The following SPMIP11 variants were observed in gnomAD, a reference collection of about 807,000 sequenced individuals.
The protein encoded by SPMIP11 is sperm microtubule inner protein 11, also known as long intergenic non-protein coding RNA 935.
At chr12:48,741,679 T>C in the SPMIP11 span, among the ~76,000 whole-genome samples, 1 of 151,882 alleles carries the variant, frequency 6.6e-6, no homozygotes, top group Non-Finnish European at 1.5e-5. Flanking sequence ...GGTGTCACTC[T>C]GTTGCTCAGG....
At chr12:48,768,743 T>A in the SPMIP11 span, 1 of 1,611,000 alleles carries the variant, frequency 6.2e-7, no homozygotes, top group Non-Finnish European at 8.5e-7. Context: ...GGAGCCCGCT[T>A]AGCCTGGAAT....
At chr12:48,728,584 T>G in the SPMIP11 span, among the ~76,000 whole-genome samples, 2 of 151,772 alleles carry the variant, frequency 1.3e-5, no homozygotes, top group African/African-American at 4.8e-5. Context: ...GGCGGGCGCC[T>G]GTAGTCCCAG....
chr12:48,760,619 C>G, the SPMIP11 span, among the ~76,000 whole-genome samples: 1 of 152,082 alleles, frequency 6.6e-6, no homozygotes, highest in African/African-American at 2.4e-5. Context: ...CTCCGCCTCC[C>G]TTGTTCAAGT....
chr12:48,748,498 A>G, the SPMIP11 span, among the ~76,000 whole-genome samples: 1 of 137,946 alleles, frequency 7.2e-6, no homozygotes. Context: ...CACGGTCTAG[A>G]AAAAAAAAAA....
the SPMIP11 span, among the ~76,000 whole-genome samples, chr12:48,757,932 T>C: frequency 6.6e-6 from 1 of 151,972 alleles, no homozygotes; most frequent in Non-Finnish European, 1.5e-5. Flanking sequence ...AGATAGATGT[T>C]GCAGTGAGCC....
the SPMIP11 span, chr12:48,764,854 C>T: frequency 6.0e-5 from 42 of 702,740 alleles, 1 homozygote; most frequent in South Asian, 6.1e-4. Flanking sequence ...CATTCAGTTC[C>T]CAATCAGGTC....
At chr12:48,748,004 T>C in the SPMIP11 span, among the ~76,000 whole-genome samples, 1 of 152,168 alleles carries the variant, frequency 6.6e-6, no homozygotes, top group African/African-American at 2.4e-5. Flanking sequence ...CTGACAATCC[T>C]ATCATATTCC....
At chr12:48,749,970 C>T in the SPMIP11 span, among the ~76,000 whole-genome samples, 10 of 151,674 alleles carry the variant, frequency 6.6e-5, no homozygotes, top group African/African-American at 2.2e-4. Context: ...GGATTACAGG[C>T]GTGAGCCACC....
the SPMIP11 span, among the ~76,000 whole-genome samples, chr12:48,764,232 GC>G: frequency 6.6e-6 from 1 of 150,704 alleles, no homozygotes; most frequent in African/African-American, 2.4e-5. Flanking sequence ...CAGGTGATCT[GC>G]CTGCCTCGGC....
the SPMIP11 span, among the ~76,000 whole-genome samples, chr12:48,737,517 C>T: frequency 4.0e-5 from 6 of 150,644 alleles, no homozygotes; most frequent in Non-Finnish European, 7.4e-5. Context: ...TGGGTTCAAG[C>T]GATTCTCGTT....
chr12:48,771,387 T>G, the SPMIP11 span: 2 of 512,530 alleles, frequency 3.9e-6, no homozygotes, highest in Middle Eastern at 4.3e-4. The surrounding 1 kb of genome is among the most constrained non-coding windows in gnomAD (Gnocchi z 4.3). Context: ...CCATCTTGCT[T>G]GGTTGGTCTC....
the SPMIP11 span, among the ~76,000 whole-genome samples, chr12:48,770,478 G>A: frequency 6.6e-6 from 1 of 152,164 alleles, no homozygotes; most frequent in Non-Finnish European, 1.5e-5. Flanking sequence ...TCCCAGCTCT[G>A]CCACTTACTA....
the SPMIP11 span, chr12:48,765,807 G>A: frequency 1.1e-5 from 7 of 633,728 alleles, no homozygotes; most frequent in Non-Finnish European, 2.0e-5. Flanking sequence ...TGTGTGCACG[G>A]GGGGAGCTGT....
chr12:48,761,826 G>T, the SPMIP11 span, among the ~76,000 whole-genome samples: 2 of 140,950 alleles, frequency 1.4e-5, no homozygotes, highest in African/African-American at 2.6e-5. Flanking sequence ...TGGCTCAAGT[G>T]ATCTTTCCAC....
At chr12:48,743,775 A>C in the SPMIP11 span, among the ~76,000 whole-genome samples, 2 of 152,064 alleles carry the variant, frequency 1.3e-5, no homozygotes, top group African/African-American at 4.8e-5. Context: ...TCTACTAAAA[A>C]TACAAAATTA....
At chr12:48,762,387 A>C in the SPMIP11 span, among the ~76,000 whole-genome samples, 1 of 17,350 alleles carries the variant, frequency 5.8e-5, no homozygotes, top group Non-Finnish European at 9.1e-5. Context: ...TTTTTTTTTG[A>C]GACGGAATCT....
chr12:48,767,358 C>G, the SPMIP11 span: 1 of 152,716 alleles, frequency 6.5e-6, no homozygotes, highest in Admixed American at 6.5e-5. Flanking sequence ...TTTGCTACCA[C>G]ACCCCATCCC....
chr12:48,758,659 C>A, the SPMIP11 span, among the ~76,000 whole-genome samples: 2 of 152,180 alleles, frequency 1.3e-5, no homozygotes, highest in Admixed American at 1.3e-4. Context: ...CACCACCTTA[C>A]CAGCCCCATC....
chr12:48,729,415 C>A, the SPMIP11 span, among the ~76,000 whole-genome samples: 1 of 151,820 alleles, frequency 6.6e-6, no homozygotes, highest in Non-Finnish European at 1.5e-5. Flanking sequence ...GTGCCTGTAA[C>A]CCCAGCTACT....
Sources: allele counts gnomAD v4.1 joint callset (sites outside exome capture counted in the v4.1 genomes callset), GRCh38; gene constraint gnomAD v4.1.1; non-coding constraint Gnocchi (gnomAD v3.1); transcripts MANE v1.5; gene names NCBI Gene and HGNC (gene_info 2026-07-23, HGNC 2026-07-21).